RGL1: variants seen among roughly 807,000 people sequenced by gnomAD.
RGL1 encodes the protein ral guanine nucleotide dissociation stimulator like 1.
A neutral mutation model predicts 95.2 loss-of-function variants in RGL1; 24 were observed. That is an observed-to-expected ratio of 0.25 (90% CI 0.18 to 0.35). The LOEUF (loss-of-function observed/expected upper bound fraction) is 0.35, where lower values mean the gene tolerates loss of function less well. RGL1 is among the 10% of genes least tolerant of loss of function. The pLI, the probability that RGL1 is intolerant of heterozygous loss-of-function variation, is 1.00. For synonymous variants in RGL1, 329 were observed against 344.9 expected, an observed-to-expected ratio of 0.95 and a Z score of 0.51; for missense variants, 715 against 936.3, an observed-to-expected ratio of 0.76 and a Z score of 3.08.
chr1:183,694,707 G>A (rs1654158346), intron 1 of RGL1, among the ~76,000 whole-genome samples: 1 of 152,188 alleles, frequency 6.6e-6, no homozygotes, highest in African/African-American at 2.4e-5. Flanking sequence ...GCAGATCTGG[G>A]TACTACTGGG....
At chr1:183,686,623 T>C (rs1653603111) in intron 1 of RGL1, among the ~76,000 whole-genome samples, 1 of 152,168 alleles carries the variant, frequency 6.6e-6, no homozygotes, top group Non-Finnish European at 1.5e-5. Flanking sequence ...AGAAAGGTTG[T>C]AGAAAGCTTA....
intron 1 of RGL1, among the ~76,000 whole-genome samples, chr1:183,719,735 C>T (rs1165024415): frequency 2.6e-5 from 4 of 152,048 alleles, no homozygotes; most frequent in African/African-American, 4.8e-5. Context: ...GGTGAAACCC[C>T]GTCCCTATAA....
chr1:183,732,417 T>C (rs1221807275), intron 1 of RGL1, among the ~76,000 whole-genome samples: 1 of 152,166 alleles, frequency 6.6e-6, no homozygotes, highest in Non-Finnish European at 1.5e-5. Flanking sequence ...ATGGATTTCA[T>C]ATGGACTCTG....
chr1:183,681,016 A>G (rs1332789635), intron 1 of RGL1, among the ~76,000 whole-genome samples: 1 of 152,294 alleles, frequency 6.6e-6, no homozygotes, highest in Non-Finnish European at 1.5e-5. Context: ...ATTTTTGCAC[A>G]TTGATTTTGT....
chr1:183,840,114 G>A (rs1041143709), intron 2 of RGL1, among the ~76,000 whole-genome samples: 1 of 152,150 alleles, frequency 6.6e-6, no homozygotes, highest in African/African-American at 2.4e-5. Context: ...ATTCTTCCTG[G>A]CCACTCTTTG....
intron 1 of RGL1, among the ~76,000 whole-genome samples, chr1:183,687,426 T>C (rs1227507591): frequency 6.6e-6 from 1 of 152,246 alleles, no homozygotes; most frequent in African/African-American, 2.4e-5. Flanking sequence ...CGCTGTTTTG[T>C]ATAGCGTTGA....
intron 1 of RGL1, chr1:183,647,595 C>CATATA: frequency 6.7e-7 from 1 of 1,495,198 alleles, no homozygotes. Flanking sequence ...TTGGCTCAGC[C>CATATA]CTGAGAGAGA....
chr1:183,675,038 G>A (rs12120000), intron 1 of RGL1, among the ~76,000 whole-genome samples: 67,472 of 152,028 alleles, frequency 0.44, 16,324 homozygotes, highest in East Asian at 0.75. Context: ...CAATTTATGA[G>A]CCAATCTCAG....
At chr1:183,885,061 A>G in intron 7 of RGL1, 123 bp downstream of exon 7, 1 of 796,038 alleles carries the variant, frequency 1.3e-6, no homozygotes, top group Non-Finnish European at 1.9e-6. Context: ...ATGAGAGCCC[A>G]CTGGGTTTTT....
intron 11 of RGL1, among the ~76,000 whole-genome samples, chr1:183,901,097 G>C (rs935198932): frequency 6.6e-6 from 1 of 150,676 alleles, no homozygotes; most frequent in Admixed American, 6.6e-5. Context: ...TCAGGAGTTC[G>C]AGACCACCCT....
intron 4 of RGL1, among the ~76,000 whole-genome samples, chr1:183,878,444 T>G (rs1189223501): frequency 2.0e-5 from 3 of 151,958 alleles, no homozygotes; most frequent in Admixed American, 6.6e-5. Context: ...GCAATAATCC[T>G]GTCTCAGCCT....
intron 1 of RGL1, among the ~76,000 whole-genome samples, chr1:183,702,758 A>T (rs2102147387): frequency 6.6e-6 from 1 of 152,332 alleles, no homozygotes; most frequent in Middle Eastern, 3.4e-3. Context: ...AAACACACAG[A>T]TGAATTGTCA....
Position 183,698,836 on chromosome 1 carries a change from G to A in RGL1, c.-32-43290G>A, listed in dbSNP as rs563925279. On this transcript the variant is annotated intron_variant, in intron 1 of 18. Transcript: ENST00000304685. ...CTTTCCTATGGCTTACTCATCATTTGTAGACTTGGTCACGTTGTGAATGAG... is the reference window on the plus strand; with the variant it reads ...CTTTCCTATGGCTTACTCATCATTTATAGACTTGGTCACGTTGTGAATGAG... Among the ~76,000 whole-genome samples, 6 of 152,164 alleles carry A rather than the reference G, an allele frequency of 3.9e-5. No homozygotes were observed. In the East Asian group the frequency reaches 1.2e-3, roughly 29 times the overall value.
intron 1 of RGL1, among the ~76,000 whole-genome samples, chr1:183,723,736 C>T (rs1656152060): frequency 6.6e-6 from 1 of 152,166 alleles, no homozygotes; most frequent in South Asian, 2.1e-4. Context: ...CAATCTAGGC[C>T]ATAAGGACTG....
At chr1:183,780,187 G>A (rs1194991801) in intron 2 of RGL1, among the ~76,000 whole-genome samples, 2 of 152,164 alleles carry the variant, frequency 1.3e-5, no homozygotes, top group Admixed American at 6.5e-5. Context: ...GGTTCATAAT[G>A]TTTCTAATAT....
chr1:183,735,640 C>T lies in RGL1; in HGVS notation c.-32-6486C>T, dbSNP rs1656894920. On this transcript the variant is annotated intron_variant, in intron 1 of 18. Transcript: ENST00000304685. The stretch of plus-strand genomic sequence containing the variant: ...AGGAAGAGATAATAGGAATCTGTTG[C>T]TCTCTTACCTCCTAGTACATTGACT... Among the ~76,000 whole-genome samples the T allele has an allele frequency of 3.3e-5, 5 of 152,130 alleles. No homozygotes were observed. The South Asian group carries it at 1.0e-3, about 32-fold the overall frequency.
At chr1:183,889,743 A>G (rs993639240) in intron 8 of RGL1, among the ~76,000 whole-genome samples, 10 of 152,118 alleles carry the variant, frequency 6.6e-5, no homozygotes, top group Non-Finnish European at 2.9e-5. Context: ...AATAAAGTGG[A>G]TGTTTATAAT....
At chr1:183,743,410 G>T (rs1926829) in intron 2 of RGL1, among the ~76,000 whole-genome samples, 27,205 of 152,060 alleles carry the variant, frequency 0.18, 3,349 homozygotes, top group African/African-American at 0.35. Context: ...AGGGAAAACA[G>T]AGAACACTTT....
At chr1:183,731,237 C>G (rs1656612401) in intron 1 of RGL1, among the ~76,000 whole-genome samples, 1 of 152,102 alleles carries the variant, frequency 6.6e-6, no homozygotes, top group South Asian at 2.1e-4. Context: ...TTAAAAATAA[C>G]TAGACTTACA....
Sources: allele counts gnomAD v4.1 joint callset (sites outside exome capture counted in the v4.1 genomes callset), GRCh38; gene constraint gnomAD v4.1.1; transcripts MANE v1.5; gene names NCBI Gene and HGNC (gene_info 2026-07-23, HGNC 2026-07-21).